The following CFAP221 variants were observed in gnomAD, a reference collection of about 807,000 sequenced individuals.
The protein encoded by CFAP221 is cilia- and flagella-associated protein 221.
In CFAP221, 97 loss-of-function variants were observed where a neutral mutation model predicts 113.1. The ratio of observed to expected loss-of-function variants is 0.86; its 90% CI spans 0.73 to 1.02. The LOEUF is 1.02. Among genes scored for constraint, CFAP221 ranks in the 50% least tolerant of loss-of-function variants. CFAP221 has a pLI of 0.00. For missense variants in CFAP221, 1,025 were observed against 1,013.4 expected (o/e 1.01, Z -0.16); for synonymous variants, 331 against 354.4 (o/e 0.93, Z 0.74).
intron 22 of CFAP221, among the ~76,000 whole-genome samples, chr2:119,648,897 T>C (rs1291263374): frequency 1.3e-5 from 2 of 152,186 alleles, no homozygotes; most frequent in African/African-American, 4.8e-5. Flanking sequence ...AGTACTGGCA[T>C]GAAAGGTCTG....
chr2:119,605,943 A>G (rs935804147), intron 11 of CFAP221, among the ~76,000 whole-genome samples: 4 of 152,206 alleles, frequency 2.6e-5, no homozygotes, highest in African/African-American at 9.6e-5. Flanking sequence ...ATTATTCATA[A>G]TAGCCAAAAA....
intron 7 of CFAP221, chr2:119,590,207 A>C (rs1683505063): frequency 6.6e-6 from 1 of 152,174 alleles, no homozygotes; most frequent in Non-Finnish European, 1.5e-5. Flanking sequence ...CAATAAGTTC[A>C]TTCTCTTTTT....
Position 119,656,461 on chromosome 2 carries a change from T to C in CFAP221, c.2514T>C (p.Ile838=). ...LRGKALNTYL[I]LE is the part of the protein sequence containing the mutation. ...GCAAAGCACTCAACACATACCTGATTCTAGAATGAAAGTCACCAGTAGGTC... is the reference window on the plus strand; with the variant it reads ...GCAAAGCACTCAACACATACCTGATCCTAGAATGAAAGTCACCAGTAGGTC... The change falls in exon 24 of 24, where the codon ATT becomes ATC. Residue 838 remains isoleucine (I), a synonymous_variant. Transcript: ENST00000413369. The C allele has an allele frequency of 6.2e-7, 1 of 1,613,254 alleles. No homozygotes were observed. The highest frequency in any genetic ancestry group is 1.1e-5 in the South Asian group (1 of 91,038).
chr2:119,647,063 T>C lies in CFAP221; in HGVS notation c.2318+13T>C. 6.2e-7 allele frequency: 1 copy of C among 1,600,184 alleles called. No individual in the cohort carries two copies. ...AAACAGTAGAACGGTATTTTTTTTT[T>C]TTTTAATCTTTGGCCTCTAATGTGG... On this transcript the variant is annotated intron_variant, in intron 22 of 23. Coordinates refer to ENST00000413369, the MANE Select transcript of CFAP221 (RefSeq NM_001271049.2).
chr2:119,599,348 A>C (rs1684210109), intron 7 of CFAP221, among the ~76,000 whole-genome samples: 1 of 152,162 alleles, frequency 6.6e-6, no homozygotes. Context: ...CTGTGGAGGG[A>C]GAGGCATAGG....
intron 16 of CFAP221, among the ~76,000 whole-genome samples, chr2:119,629,510 C>G (rs1686613823): frequency 6.6e-6 from 1 of 152,208 alleles, no homozygotes; most frequent in Admixed American, 6.5e-5. Context: ...CAGTGCCGTT[C>G]AGATGAGGCA....
At chr2:119,649,149 T>G (rs568348590) in intron 22 of CFAP221, among the ~76,000 whole-genome samples, 49 of 152,322 alleles carry the variant, frequency 3.2e-4, no homozygotes, top group African/African-American at 1.2e-3. Context: ...CGAATGAAGC[T>G]CTCAGTATTT....
intron 16 of CFAP221, among the ~76,000 whole-genome samples, chr2:119,629,075 A>T (rs935545485): frequency 6.6e-6 from 1 of 152,240 alleles, no homozygotes; most frequent in African/African-American, 2.4e-5. Context: ...ACTGTATTTC[A>T]TCAATTGTAA....
intron 11 of CFAP221, among the ~76,000 whole-genome samples, chr2:119,607,540 G>A (rs1684856225): frequency 1.3e-5 from 2 of 152,168 alleles, no homozygotes; most frequent in Admixed American, 6.5e-5. Context: ...ATTTTAACCA[G>A]TTTAAAGTAT....
At chr2:119,631,091 A>G (rs1354534184) in intron 19 of CFAP221, 190 bp downstream of exon 19, 3 of 1,268,632 alleles carry the variant, frequency 2.4e-6, no homozygotes, top group South Asian at 2.9e-5. Context: ...TCTTTTAGCA[A>G]TTCCTGCATT....
At chr2:119,646,393 A>G (rs1235260354) in intron 21 of CFAP221, among the ~76,000 whole-genome samples, 1 of 152,020 alleles carries the variant, frequency 6.6e-6, no homozygotes, top group East Asian at 1.9e-4. Flanking sequence ...ATCATGGCGG[A>G]AGGCAAAGGG....
intron 14 of CFAP221, among the ~76,000 whole-genome samples, chr2:119,616,106 T>C (rs1685508697): frequency 1.3e-5 from 2 of 152,244 alleles, no homozygotes; most frequent in African/African-American, 4.8e-5. Context: ...ATAATAGTTG[T>C]ACATATTTGT....
At chr2:119,642,840 T>G (rs1230189005) in intron 21 of CFAP221, among the ~76,000 whole-genome samples, 2 of 150,968 alleles carry the variant, frequency 1.3e-5, no homozygotes, top group East Asian at 3.9e-4. Flanking sequence ...TGCACCCAGC[T>G]TCTCAGGCCT....
intron 7 of CFAP221, among the ~76,000 whole-genome samples, chr2:119,591,932 A>G (rs1463498157): frequency 3.3e-5 from 5 of 152,258 alleles, no homozygotes; most frequent in African/African-American, 4.8e-5. Flanking sequence ...GGTGTAAAGT[A>G]TAGAAGAAAT....
rs151256278 is a variant in CFAP221 at position 119,654,298 on chromosome 2, T to C, written c.2415-2064T>C. Among the ~76,000 whole-genome samples, 393 of 152,348 alleles carry C rather than the reference T, an allele frequency of 2.6e-3. 2 individuals carry two copies. Among genetic ancestry groups the C allele is most frequent in the African/African-American group, 9.1e-3 (377 of 41,578 alleles). Reference sequence around the variant, plus strand: ...ATTAATTAGTTAATTAATAGAATATTGTGTTCTGCTACCCAGCACATAAAA... The same window carrying C: ...ATTAATTAGTTAATTAATAGAATATCGTGTTCTGCTACCCAGCACATAAAA... On this transcript the variant is annotated intron_variant, in intron 23 of 23. Coordinates refer to ENST00000413369, the MANE Select transcript of CFAP221 (RefSeq NM_001271049.2).
chr2:119,584,600 A>G (rs1683082022), intron 6 of CFAP221, among the ~76,000 whole-genome samples: 1 of 151,740 alleles, frequency 6.6e-6, no homozygotes, highest in South Asian at 2.1e-4. Flanking sequence ...AAAAAAAAAG[A>G]AGAATTTACA....
intron 8 of CFAP221, among the ~76,000 whole-genome samples, chr2:119,604,370 G>T (rs548800987): frequency 5.3e-4 from 81 of 152,012 alleles, no homozygotes; most frequent in Admixed American, 1.8e-3. Context: ...GGAGGCAGAG[G>T]TTGCAGTGAG....
intron 6 of CFAP221, among the ~76,000 whole-genome samples, chr2:119,569,784 A>G (rs1681915407): frequency 1.3e-5 from 2 of 152,184 alleles, no homozygotes; most frequent in African/African-American, 4.8e-5. Context: ...ACCTGCTAAT[A>G]AGCCTATCAA....
chr2:119,646,916 A>G lies in CFAP221; in HGVS notation c.2226-42A>G, dbSNP rs1574230391. ...ATTATGTAAAGACCCCAAGACTTCT[A>G]GTGTGACTCTATCTTTGACTGCTTG... On this transcript the variant is annotated intron_variant, in intron 21 of 23. Transcript: ENST00000413369. 2.6e-6 allele frequency: 4 copies of G among 1,528,058 alleles called. 1 individual carries two copies. In the South Asian group the frequency reaches 4.6e-5, roughly 18 times the overall value. The allele number at this position is 1,528,058 out of a possible 1,614,324, so 94.7% of individuals were successfully genotyped here.
Sources: gnomAD v4.1 joint callset for allele counts (sites outside exome capture counted in the v4.1 genomes callset) on GRCh38, gnomAD v4.1.1 for gene constraint, MANE v1.5 for transcripts, NCBI Gene and HGNC (gene_info 2026-07-23, HGNC 2026-07-21) for gene names.